FARS2: variants seen among roughly 807,000 people sequenced by gnomAD.
FARS2 encodes phenylalanine--tRNA ligase, mitochondrial.
In FARS2, 40 loss-of-function variants were observed where a neutral mutation model predicts 46.4. That is an observed-to-expected ratio of 0.86 (90% CI 0.67 to 1.12). The LOEUF is 1.12. FARS2 is among the 50% of genes most tolerant of loss of function. The probability of loss-of-function intolerance (pLI) is 0.00; values close to 1 mark genes in which losing one functional copy is unlikely to be tolerated. For synonymous variants in FARS2, 234 were observed against 214.9 expected (o/e 1.09, Z -0.78); for missense variants, 513 against 567.9 (o/e 0.90, Z 0.98).
intron 5 of FARS2, among the ~76,000 whole-genome samples, chr6:5,572,802 G>T (rs1370764263): frequency 1.3e-5 from 2 of 151,972 alleles, no homozygotes; most frequent in African/African-American, 4.8e-5. Context: ...TGCTCCCAGT[G>T]ATTCTTCTGT....
At chr6:5,631,889 T>G (rs1481156945) in intron 6 of FARS2, among the ~76,000 whole-genome samples, 2 of 152,208 alleles carry the variant, frequency 1.3e-5, no homozygotes, top group Non-Finnish European at 2.9e-5. Context: ...TTAATTAAAA[T>G]TACACTCAAC....
intron 4 of FARS2, among the ~76,000 whole-genome samples, chr6:5,444,428 T>C (rs377292445): frequency 2.3e-4 from 32 of 137,018 alleles, no homozygotes; most frequent in South Asian, 4.5e-4. Flanking sequence ...GATTGCGCCA[T>C]TGCACTCCAG....
At chr6:5,578,862 G>A (rs1161142974) in intron 5 of FARS2, among the ~76,000 whole-genome samples, 2 of 150,778 alleles carry the variant, frequency 1.3e-5, no homozygotes, top group South Asian at 4.2e-4. Flanking sequence ...GTGGCAAGAC[G>A]TGAGCTCTAG....
At chr6:5,726,447 T>C (rs936026437) in intron 6 of FARS2, among the ~76,000 whole-genome samples, 1 of 152,152 alleles carries the variant, frequency 6.6e-6, no homozygotes, top group Admixed American at 6.6e-5. Flanking sequence ...AAACCACACA[T>C]GCATGATGGT....
intron 6 of FARS2, among the ~76,000 whole-genome samples, chr6:5,614,901 G>T (rs1582590002): frequency 6.6e-6 from 1 of 152,284 alleles, no homozygotes; most frequent in African/African-American, 2.4e-5. Context: ...ATAACAGTTT[G>T]GTTGGAAGTA....
intron 6 of FARS2, among the ~76,000 whole-genome samples, chr6:5,656,886 G>A (rs929136436): frequency 1.3e-5 from 2 of 152,148 alleles, no homozygotes; most frequent in African/African-American, 4.8e-5. Context: ...AAGCATACAT[G>A]TGGTGTGTCC....
At chr6:5,251,448 T>C in the FARS2 span, among the ~76,000 whole-genome samples, 1 of 152,146 alleles carries the variant, frequency 6.6e-6, no homozygotes, top group East Asian at 1.9e-4. Context: ...GCTCAGCTTT[T>C]GGGGAGGCCT....
At chr6:5,652,736 A>C (rs895122908) in intron 6 of FARS2, among the ~76,000 whole-genome samples, 1 of 152,230 alleles carries the variant, frequency 6.6e-6, no homozygotes, top group Non-Finnish European at 1.5e-5. Context: ...GCAAATGGCC[A>C]GATGTGGGGC....
chr6:5,674,457 G>A (rs930112179), intron 6 of FARS2, among the ~76,000 whole-genome samples: 1 of 152,154 alleles, frequency 6.6e-6, no homozygotes, highest in Non-Finnish European at 1.5e-5. Context: ...CACTGTAAAG[G>A]CCACTGGGAA....
intron 6 of FARS2, among the ~76,000 whole-genome samples, chr6:5,671,950 G>A (rs959974024): frequency 1.3e-5 from 2 of 152,204 alleles, no homozygotes; most frequent in Non-Finnish European, 1.5e-5. Context: ...ATCATCGTGA[G>A]GAACGTGCAT....
chr6:5,250,333 T>G, the FARS2 span, among the ~76,000 whole-genome samples: 1 of 152,190 alleles, frequency 6.6e-6, no homozygotes, highest in Non-Finnish European at 1.5e-5. Flanking sequence ...CACGCAGATC[T>G]AATAACTTTT....
At chr6:5,769,146 TTGTG>T (rs150603204) in intron 6 of FARS2, among the ~76,000 whole-genome samples, 1 of 152,108 alleles carries the variant, frequency 6.6e-6, no homozygotes, top group Non-Finnish European at 1.5e-5. Context: ...TTGAGTTAGT[TTGTG>T]TGTGTGTGGT....
At chr6:5,390,150 C>T (rs1372233008) in intron 2 of FARS2, among the ~76,000 whole-genome samples, 1 of 152,148 alleles carries the variant, frequency 6.6e-6, no homozygotes, top group Admixed American at 6.6e-5. Flanking sequence ...AGGCATGAGC[C>T]ACTGCACCCA....
chr6:5,350,292 G>A (rs948849689), intron 1 of FARS2, among the ~76,000 whole-genome samples: 1 of 151,622 alleles, frequency 6.6e-6, no homozygotes, highest in South Asian at 2.1e-4. Context: ...ATAGGCATGA[G>A]CTACTGTGCC....
chr6:5,729,096 G>A (rs150669887), intron 6 of FARS2, among the ~76,000 whole-genome samples: 7 of 152,146 alleles, frequency 4.6e-5, no homozygotes, highest in Admixed American at 1.3e-4. Context: ...TCTTATTTCC[G>A]TTTTTCACAA....
At chr6:5,350,343 G>A (rs1394925783) in intron 1 of FARS2, among the ~76,000 whole-genome samples, 4 of 151,914 alleles carry the variant, frequency 2.6e-5, no homozygotes, top group African/African-American at 9.7e-5. Context: ...CTGTTTTTCA[G>A]TTTTGTTTGG....
At chr6:5,548,591 G>T (rs948724988) in intron 5 of FARS2, among the ~76,000 whole-genome samples, 2 of 152,106 alleles carry the variant, frequency 1.3e-5, no homozygotes, top group African/African-American at 4.8e-5. Context: ...AACATTTAAA[G>T]AACACCAACA....
intron 1 of FARS2, among the ~76,000 whole-genome samples, chr6:5,271,560 GTTTTT>G (rs59053657): frequency 9.2e-6 from 1 of 108,710 alleles, no homozygotes; most frequent in African/African-American, 3.7e-5. Flanking sequence ...GACTATGTCT[GTTTTT>G]TTTTTTTTTT....
chr6:5,459,884 C>T (rs868514258), intron 4 of FARS2, among the ~76,000 whole-genome samples: 8 of 152,098 alleles, frequency 5.3e-5, no homozygotes, highest in Middle Eastern at 3.2e-3. Context: ...GTAACATGTT[C>T]GTATTGCTGC....
Sources: allele counts gnomAD v4.1 joint callset (sites outside exome capture counted in the v4.1 genomes callset), GRCh38; gene constraint gnomAD v4.1.1; transcripts MANE v1.5; gene names NCBI Gene and HGNC (gene_info 2026-07-23, HGNC 2026-07-21).